Variants in KLHL7 observed in about 807,000 individuals in gnomAD.
KLHL7 encodes the protein kelch like family member 7.
Under a neutral mutation model 67.4 loss-of-function variants are expected in KLHL7, and 44 were observed. The ratio of observed to expected loss-of-function variants is 0.65; its 90% CI spans 0.51 to 0.84. The LOEUF (loss-of-function observed/expected upper bound fraction) is 0.84. Among genes scored for constraint, KLHL7 ranks in the 40% least tolerant of loss-of-function variants. KLHL7 has a pLI of 0.00. For missense variants in KLHL7, 362 were observed against 718.1 expected, an observed-to-expected ratio of 0.50 and a Z score of 5.67; for synonymous variants, 252 against 243.3, an observed-to-expected ratio of 1.04 and a Z score of -0.33.
At chr7:23,131,141 G>A (rs908340163) in intron 4 of KLHL7, among the ~76,000 whole-genome samples, 2 of 152,214 alleles carry the variant, frequency 1.3e-5, no homozygotes, top group Admixed American at 6.5e-5. Context: ...AAGGATGCAT[G>A]CTTATGTACT....
At chr7:23,162,743 G>T (rs756763289) in intron 7 of KLHL7, among the ~76,000 whole-genome samples, 1 of 152,202 alleles carries the variant, frequency 6.6e-6, no homozygotes. Flanking sequence ...CACCATAGGT[G>T]TATGACCTTT....
chr7:23,171,233 C>T (rs575779267), intron 9 of KLHL7: 5 of 240,322 alleles, frequency 2.1e-5, no homozygotes, highest in African/African-American at 9.3e-5. Context: ...TAGCGGGGAC[C>T]TAGTATGTAC....
intron 1 of KLHL7, among the ~76,000 whole-genome samples, chr7:23,107,500 C>T (rs922225941): frequency 1.1e-4 from 17 of 152,132 alleles, no homozygotes; most frequent in Non-Finnish European, 1.9e-4. Flanking sequence ...TAAAGCATTG[C>T]CTTAATCCCT....
intron 1 of KLHL7, among the ~76,000 whole-genome samples, chr7:23,122,116 G>A (rs562958954): frequency 1.9e-4 from 29 of 151,062 alleles, no homozygotes; most frequent in African/African-American, 7.1e-4. Context: ...ATTAATCTTA[G>A]ACTAAAACTC....
intron 7 of KLHL7, among the ~76,000 whole-genome samples, chr7:23,162,013 C>T (rs778849112): frequency 1.3e-5 from 2 of 152,164 alleles, no homozygotes; most frequent in Non-Finnish European, 2.9e-5. Flanking sequence ...CTGCTAACCT[C>T]CTGATTTTAT....
chr7:23,126,880 G>A (rs1252479040), intron 4 of KLHL7, among the ~76,000 whole-genome samples: 1 of 152,136 alleles, frequency 6.6e-6, no homozygotes, highest in Admixed American at 6.5e-5. Context: ...TTTTTAAAAG[G>A]TAGCCATGGG....
intron 4 of KLHL7, among the ~76,000 whole-genome samples, chr7:23,128,091 C>G (rs980336918): frequency 3.3e-5 from 5 of 151,348 alleles, no homozygotes; most frequent in African/African-American, 9.7e-5. Flanking sequence ...CGAGATTGCG[C>G]CACTGCACTC....
chr7:23,170,437 A>C (rs904975934), intron 9 of KLHL7, among the ~76,000 whole-genome samples: 2 of 152,220 alleles, frequency 1.3e-5, no homozygotes, highest in African/African-American at 4.8e-5. Flanking sequence ...GAGTAGAATG[A>C]TGGTTATCAG....
chr7:23,175,375 C>T lies in KLHL7; in HGVS notation c.*1077C>T, dbSNP rs754945553. The T allele has an allele frequency of 1.5e-5, 7 of 451,932 alleles. No homozygotes were observed. Among genetic ancestry groups the T allele is most frequent in the Non-Finnish European group, 3.1e-5 (7 of 226,346 alleles). 28.0% of individuals were successfully genotyped at this position (451,932 alleles called of 1,614,324 possible). ...TGGAATGAAACATGTAAAGCTGTCA[C>T]AATCAATGTTTTTATCTGATAATAT... is the stretch of plus-strand genomic sequence containing the variant. On this transcript the variant is annotated 3_prime_UTR_variant, in exon 11 of 11. Coordinates refer to ENST00000339077, the MANE Select transcript of KLHL7 (RefSeq NM_001031710.3).
At chr7:23,152,569 TTAA>T (rs1440181918) in intron 7 of KLHL7, among the ~76,000 whole-genome samples, 1 of 152,182 alleles carries the variant, frequency 6.6e-6, no homozygotes, top group Admixed American at 6.5e-5. Context: ...TTTTTTCCCC[TTAA>T]TAATTTTAAT....
chr7:23,158,977 A>T (rs1217250170), intron 7 of KLHL7, among the ~76,000 whole-genome samples: 1 of 152,196 alleles, frequency 6.6e-6, no homozygotes, highest in East Asian at 1.9e-4. Flanking sequence ...AAAGACTTAA[A>T]AGTATATTGA....
chr7:23,125,868 C>T, intron 4 of KLHL7: 2 of 1,549,476 alleles, frequency 1.3e-6, no homozygotes, highest in Non-Finnish European at 1.7e-6. Flanking sequence ...GTGCAGTAGC[C>T]CACCCTTATC....
intron 1 of KLHL7, among the ~76,000 whole-genome samples, chr7:23,118,367 G>A (rs1783186037): frequency 2.0e-5 from 3 of 152,156 alleles, no homozygotes; most frequent in Admixed American, 1.3e-4. Context: ...GCATTAAATT[G>A]GGCTTTCTAT....
At chr7:23,157,413 T>C (rs1224524719) in intron 7 of KLHL7, among the ~76,000 whole-genome samples, 1 of 152,210 alleles carries the variant, frequency 6.6e-6, no homozygotes, top group Admixed American at 6.5e-5. Context: ...GCTTCCTTAG[T>C]TGTCAGCATC....
chr7:23,171,097 G>C (rs1785147419), intron 9 of KLHL7: 1 of 246,446 alleles, frequency 4.1e-6, no homozygotes, highest in African/African-American at 2.3e-5. Context: ...AGTAGAGACG[G>C]GGTTTCACCA....
chr7:23,134,833 TTC>T (rs1783921844), intron 4 of KLHL7, among the ~76,000 whole-genome samples: 1 of 152,180 alleles, frequency 6.6e-6, no homozygotes, highest in Admixed American at 6.5e-5. Flanking sequence ...TATTTGGATC[TTC>T]TCTCTCATTT....
intron 4 of KLHL7, among the ~76,000 whole-genome samples, chr7:23,130,352 A>G (rs1168257195): frequency 2.0e-5 from 3 of 152,210 alleles, no homozygotes; most frequent in Non-Finnish European, 4.4e-5. Flanking sequence ...AAAAACAGCA[A>G]CTGGATTTAC....
intron 4 of KLHL7, chr7:23,129,029 T>C (rs1198677348): frequency 6.6e-6 from 1 of 152,306 alleles, no homozygotes; most frequent in Non-Finnish European, 1.5e-5. Context: ...GCACATTTTA[T>C]AGAGGAAAAG....
intron 7 of KLHL7, among the ~76,000 whole-genome samples, chr7:23,161,191 C>G (rs1047714004): frequency 6.6e-6 from 1 of 152,096 alleles, no homozygotes; most frequent in African/African-American, 2.4e-5. Flanking sequence ...CCACAACGTC[C>G]AAAGACAGTC....
Sources: allele counts gnomAD v4.1 joint callset (sites outside exome capture counted in the v4.1 genomes callset), GRCh38; gene constraint gnomAD v4.1.1; transcripts MANE v1.5; gene names NCBI Gene and HGNC (gene_info 2026-07-23, HGNC 2026-07-21).